The following ANP32E variants were observed in gnomAD, a reference collection of about 807,000 sequenced individuals.
ANP32E encodes the protein acidic leucine-rich nuclear phosphoprotein 32 family member E.
ANP32E carries 14 observed loss-of-function variants against 35.3 expected under a neutral mutation model. That is an observed-to-expected ratio of 0.40 (90% CI 0.26 to 0.62). ANP32E has a LOEUF of 0.62. Ranked by LOEUF, ANP32E falls within the 20% of genes least tolerant of loss-of-function variation. The pLI, the probability that ANP32E is intolerant of heterozygous loss-of-function variation, is 0.45. For synonymous variants in ANP32E, 89 were observed against 110.4 expected, an observed-to-expected ratio of 0.81 and a Z score of 1.22; for missense variants, 198 against 304.4, an observed-to-expected ratio of 0.65 and a Z score of 2.60.
chr1:150,225,213 T>C (rs1315909402), intron 5 of ANP32E, among the ~76,000 whole-genome samples: 2 of 152,114 alleles, frequency 1.3e-5, no homozygotes, highest in Non-Finnish European at 2.9e-5. Flanking sequence ...TCCATGGAGT[T>C]GTAAATAAAA....
chr1:150,233,168 G>A (rs1474130427), intron 1 of ANP32E, among the ~76,000 whole-genome samples: 1 of 150,330 alleles, frequency 6.7e-6, no homozygotes, highest in Non-Finnish European at 1.5e-5. Context: ...GGGAAGTTGA[G>A]GCAGGAGAAT....
At chr1:150,224,531 A>AC (rs1334209709) in intron 5 of ANP32E, among the ~76,000 whole-genome samples, 1 of 151,742 alleles carries the variant, frequency 6.6e-6, no homozygotes, top group African/African-American at 2.4e-5. Flanking sequence ...CCGAGATCGC[A>AC]CCACCCACTC....
chr1:150,226,848 A>G (rs913353326), intron 4 of ANP32E, 53 bp from the exon 5 acceptor site: 2 of 1,548,322 alleles, frequency 1.3e-6, no homozygotes, highest in Admixed American at 2.0e-5. Context: ...GTTTCTTCCT[A>G]GGATGTTGAT....
Position 150,223,151 on chromosome 1 carries a change from A to G in ANP32E, c.736+35T>C, listed in dbSNP as rs782814835. ...AAGTATAAAAAATGACTATGTCTTT[A>G]ATTTTATAATTTGTTTATGGCTAAT... On this transcript the variant is annotated intron_variant, in intron 6 of 6. Transcript: ENST00000583931. 42 of 1,476,240 alleles carry G rather than the reference A, an allele frequency of 2.8e-5. No individual in the cohort carries two copies. The South Asian group carries it at 5.3e-4, about 19-fold the overall frequency. The allele number at this position is 1,476,240 out of a possible 1,614,324, so 91.4% of individuals were successfully genotyped here.
At chr1:150,224,580 G>A (rs1371397113) in intron 5 of ANP32E, among the ~76,000 whole-genome samples, 13 of 150,310 alleles carry the variant, frequency 8.6e-5, no homozygotes, top group Non-Finnish European at 7.4e-5. Flanking sequence ...TCTCAAAAAA[G>A]AAAAAAAAAG....
intron 3 of ANP32E, 59 bp from the exon 4 acceptor site, chr1:150,229,296 T>TA: frequency 1.3e-6 from 1 of 797,066 alleles, no homozygotes; most frequent in Non-Finnish European, 1.8e-6. Context: ...TATTTCTTTT[T>TA]TCTTTTTTTT....
At chr1:150,228,656 C>A (rs1649084550) in intron 4 of ANP32E, among the ~76,000 whole-genome samples, 1 of 149,584 alleles carries the variant, frequency 6.7e-6, no homozygotes, top group South Asian at 2.1e-4. Flanking sequence ...TGTGCCACTG[C>A]ACTCTAGCCT....
intron 1 of ANP32E, 115 bp from the exon 2 acceptor site, chr1:150,232,041 C>G: frequency 8.9e-7 from 1 of 1,120,574 alleles, no homozygotes; most frequent in Non-Finnish European, 1.3e-6. Flanking sequence ...AGTTTGATTG[C>G]CCGTCAGTTA....
rs782818937 is a variant in ANP32E, at chr1:150,220,683, A to C, written c.*8T>G. The C allele has an allele frequency of 6.2e-7, 1 of 1,613,586 alleles. No individual in the cohort carries two copies. Among genetic ancestry groups the C allele is most frequent in the Non-Finnish European group, 8.5e-7 (1 of 1,179,574 alleles). On this transcript the variant is annotated 3_prime_UTR_variant, in exon 7 of 7. Transcript: ENST00000583931. ...CAGAAACATTAGAGAATCTGGTCTTAGAATGATCTAGTCATCTTCTTCCTC... is the reference window on the plus strand; with the variant it reads ...CAGAAACATTAGAGAATCTGGTCTTCGAATGATCTAGTCATCTTCTTCCTC...
intron 6 of ANP32E, among the ~76,000 whole-genome samples, chr1:150,222,103 A>G (rs199983964): frequency 5.5e-5 from 2 of 36,688 alleles, no homozygotes; most frequent in Non-Finnish European, 8.7e-5. Context: ...AAAATGAAAT[A>G]AAATAAAATA....
At position 150,218,452 on chromosome 1, in the gene ANP32E, A is replaced by T. The variant is rs1412050954; in HGVS notation, c.*2239T>A. 6.6e-6 allele frequency: 1 copy of T among 152,570 alleles called. No individual in the cohort carries two copies. The highest frequency in any genetic ancestry group is 2.4e-5 in the African/African-American group (1 of 41,464). The allele number at this position is 152,570 out of a possible 1,614,324, so 9.5% of individuals were successfully genotyped here. A position where few individuals can be genotyped will look rare whatever the true frequency, so the allele number is the denominator to read the frequency against. On this transcript the variant is annotated 3_prime_UTR_variant, in exon 7 of 7. Transcript: ENST00000583931. Reference sequence around the variant, plus strand: ...AACAAATCTTCAATTTATTTGAAGCAATTCAGTTTCAAAAACTTTAAGTTA... The same window carrying T: ...AACAAATCTTCAATTTATTTGAAGCTATTCAGTTTCAAAAACTTTAAGTTA...
At chr1:150,220,879 A>G in intron 6 of ANP32E, 118 bp from the exon 7 acceptor site, 1 of 791,564 alleles carries the variant, frequency 1.3e-6, no homozygotes. Flanking sequence ...TCACACCTGT[A>G]ATCCCAGCAC....
intron 1 of ANP32E, among the ~76,000 whole-genome samples, chr1:150,234,857 C>T (rs1482544170): frequency 6.6e-6 from 1 of 152,220 alleles, no homozygotes; most frequent in Non-Finnish European, 1.5e-5. Flanking sequence ...TCACATGGCC[C>T]CTCCCAACCC....
intron 1 of ANP32E, among the ~76,000 whole-genome samples, chr1:150,233,053 T>G (rs1382604841): frequency 6.6e-6 from 1 of 151,274 alleles, no homozygotes; most frequent in Non-Finnish European, 1.5e-5. Context: ...TCACTTGAGG[T>G]TAGGAGATCA....
rs60015667 is a variant in ANP32E at position 150,236,042 on chromosome 1, GCACACACATACA to G, written c.-268_-257del. On this transcript the variant is annotated 5_prime_UTR_variant, in exon 1 of 7. The change abolishes an upstream ATG in the 5' untranslated region. Coordinates refer to ENST00000583931, the MANE Select transcript of ANP32E (RefSeq NM_030920.5). ...CGCGCACACACACGCACGCACGCGC[GCACACACATACA>G]CACACACATACACACACACACCCGC... 78 of 525,336 alleles carry G rather than the reference GCACACACATACA, an allele frequency of 1.5e-4. 1 individual carries two copies. Among genetic ancestry groups the G allele is most frequent in the Middle Eastern group, 7.5e-4 (2 of 2,662 alleles). The allele number at this position is 525,336 out of a possible 1,614,324, so 32.5% of individuals were successfully genotyped here.
intron 3 of ANP32E, 47 bp downstream of exon 3, chr1:150,230,524 A>T (rs1649272271): frequency 6.6e-7 from 1 of 1,512,118 alleles, no homozygotes; most frequent in Non-Finnish European, 8.9e-7. Context: ...AATCTCAGAA[A>T]ATTTAACCAA....
chr1:150,223,695 A>C (rs1424522408), intron 5 of ANP32E, among the ~76,000 whole-genome samples: 1 of 145,678 alleles, frequency 6.9e-6, no homozygotes, highest in Non-Finnish European at 1.5e-5. Context: ...AAAAAAAAAA[A>C]AAAAAACCTA....
chr1:150,220,607 G>C lies in ANP32E; in HGVS notation c.*84C>G. On this transcript the variant is annotated 3_prime_UTR_variant, in exon 7 of 7. Coordinates refer to ENST00000583931, the MANE Select transcript of ANP32E (RefSeq NM_030920.5). Reference sequence around the variant, plus strand: ...AAAGTTACACATTATCTTCTGTAGGGATAGCTATCGTACATGAAGAAACAA... The same window carrying C: ...AAAGTTACACATTATCTTCTGTAGGCATAGCTATCGTACATGAAGAAACAA... 8.0e-7 allele frequency: 1 copy of C among 1,256,988 alleles called. No individual in the cohort carries two copies. The highest frequency in any genetic ancestry group is 1.2e-6 in the Non-Finnish European group (1 of 866,446). 77.9% of individuals were successfully genotyped at this position (1,256,988 alleles called of 1,614,324 possible). A position where few individuals can be genotyped will look rare whatever the true frequency, so the allele number is the denominator to read the frequency against.
intron 5 of ANP32E, 199 bp from the exon 6 acceptor site, chr1:150,223,439 G>A: frequency 1.8e-6 from 1 of 566,806 alleles, no homozygotes; most frequent in East Asian, 3.4e-5. Context: ...CCAGTACTTT[G>A]GGAGGCCAAG....
Sources: allele counts gnomAD v4.1 joint callset (sites outside exome capture counted in the v4.1 genomes callset), GRCh38; gene constraint gnomAD v4.1.1; transcripts MANE v1.5; gene names NCBI Gene and HGNC (gene_info 2026-07-23, HGNC 2026-07-21).